Variants in GLIPR1L1 observed in about 807,000 individuals in gnomAD.
GLIPR1L1 encodes GLIPR1-like protein 1.
In GLIPR1L1, 26 loss-of-function variants were observed where a neutral mutation model predicts 29.9. The ratio of observed to expected loss-of-function variants is 0.87; its 90% CI spans 0.64 to 1.21. GLIPR1L1 has a LOEUF of 1.21. GLIPR1L1 is among the 50% of genes most tolerant of loss of function. The pLI, the probability that GLIPR1L1 is intolerant of heterozygous loss-of-function variation, is 0.00. For missense variants in GLIPR1L1, 305 were observed against 290.3 expected, an observed-to-expected ratio of 1.05 and a Z score of -0.37; for synonymous variants, 77 against 97.5, an observed-to-expected ratio of 0.79 and a Z score of 1.24.
intron 3 of GLIPR1L1, among the ~76,000 whole-genome samples, chr12:75,351,207 C>T (rs2042787294): frequency 6.6e-6 from 1 of 152,166 alleles, no homozygotes; most frequent in South Asian, 2.1e-4. Flanking sequence ...GAACCTATGA[C>T]TGATTGGGGT....
In GLIPR1L1 at chr12:75,347,715, G is replaced by A. The variant is rs146026558; in HGVS notation, c.514G>A (p.Gly172Arg). 44 of 1,582,618 alleles carry A rather than the reference G, an allele frequency of 2.8e-5. No homozygotes were observed. In the African/African-American group the frequency reaches 3.6e-4, roughly 13 times the overall value. The change falls in exon 3 of 6, where the codon GGA (glycine) becomes AGA (arginine). Residue 172 changes from glycine to arginine, a missense_variant. Gly to Arg is a moderately radical substitution (Grantham distance 125). Coordinates refer to ENST00000378695, the MANE Select transcript of GLIPR1L1 (RefSeq NM_001304964.2). ...AACTGCAATATTTGTATGCAACTACGGACCTGCGTGAGTTATTTTCTCTTA... is the reference window on the plus strand; with the variant it reads ...AACTGCAATATTTGTATGCAACTACAGACCTGCGTGAGTTATTTTCTCTTA... Reference protein sequence around the residue: ...ASTAIFVCNYGPAGNFANMPP... With the variant: ...ASTAIFVCNYRPAGNFANMPP...
chr12:75,348,431 C>T (rs1208659672), intron 3 of GLIPR1L1, among the ~76,000 whole-genome samples: 1 of 152,158 alleles, frequency 6.6e-6, no homozygotes, highest in African/African-American at 2.4e-5. Context: ...CATGACCTTT[C>T]ACTTGGAAGC....
At chr12:75,364,997 TTTTACCAGC>T (rs1306744031) in intron 4 of GLIPR1L1, 6 of 152,090 alleles carry the variant, frequency 3.9e-5, no homozygotes, top group African/African-American at 1.4e-4. Flanking sequence ...AAAGTCCCTG[TTTTACCAGC>T]TGTTTAGGCA....
intron 3 of GLIPR1L1, 66 bp downstream of exon 3, chr12:75,347,788 G>A: frequency 8.0e-6 from 8 of 1,006,112 alleles, no homozygotes; most frequent in Non-Finnish European, 1.2e-5. Context: ...CCAAATAAGA[G>A]GACCTTATAC....
chr12:75,348,431 C>G (rs1208659672), intron 3 of GLIPR1L1, among the ~76,000 whole-genome samples: 16 of 152,158 alleles, frequency 1.1e-4, no homozygotes, highest in Admixed American at 8.5e-4. Flanking sequence ...CATGACCTTT[C>G]ACTTGGAAGC....
intron 1 of GLIPR1L1, among the ~76,000 whole-genome samples, chr12:75,340,482 A>C (rs960477993): frequency 6.6e-6 from 1 of 151,970 alleles, no homozygotes; most frequent in African/African-American, 2.4e-5. Flanking sequence ...GAAGAAAAAC[A>C]GGAGAAAATC....
At chr12:75,347,833 C>A in intron 3 of GLIPR1L1, 111 bp downstream of exon 3, 1 of 510,748 alleles carries the variant, frequency 2.0e-6, no homozygotes, top group East Asian at 3.4e-5. Context: ...GTAATGACTC[C>A]CTCTACAATG....
chr12:75,348,860 G>A (rs900804928), intron 3 of GLIPR1L1, among the ~76,000 whole-genome samples: 5 of 152,176 alleles, frequency 3.3e-5, no homozygotes, highest in Non-Finnish European at 7.4e-5. Flanking sequence ...TACAACAAAG[G>A]GCCGTGATCT....
chr12:75,339,442 G>A (rs2041954858), intron 1 of GLIPR1L1, among the ~76,000 whole-genome samples: 2 of 151,910 alleles, frequency 1.3e-5, no homozygotes, highest in African/African-American at 4.8e-5. Context: ...ACTTTTTAAT[G>A]GGGTTGTTCT....
intron 2 of GLIPR1L1, 32 bp downstream of exon 2, chr12:75,343,970 TTATTTGTGCA>T (rs1161022879): frequency 2.6e-6 from 4 of 1,529,100 alleles, no homozygotes; most frequent in Non-Finnish European, 3.6e-6. Context: ...TGATTAGTTC[TTATTTGTGCA>T]TATTTTAATT....
Position 75,370,233 on chromosome 12 carries a change from C to T in GLIPR1L1, c.*57C>T. The stretch of plus-strand genomic sequence containing the variant: ...GTTAAAATAAAGGAATAGTTTATTG[C>T]TTAATATAACTTATCATCACTTTGC... On this transcript the variant is annotated 3_prime_UTR_variant, in exon 6 of 6. Coordinates refer to ENST00000378695, the MANE Select transcript of GLIPR1L1 (RefSeq NM_001304964.2). 1 of 848,944 alleles carries T rather than the reference C, an allele frequency of 1.2e-6. No homozygotes were observed. The highest frequency in any genetic ancestry group is 1.4e-5 in the South Asian group (1 of 69,508). 52.6% of individuals were successfully genotyped at this position (848,944 alleles called of 1,614,324 possible).
In GLIPR1L1 at chr12:75,351,055, C is replaced by T. The variant is rs142188717; in HGVS notation, c.521+3333C>T. ...ACACAAGAACTTCACAATGCAATCA[C>T]AAGTATCAATATCCAAACAGACCAA... On this transcript the variant is annotated intron_variant, in intron 3 of 5. Transcript: ENST00000378695. Among the ~76,000 whole-genome samples, 1,282 of 152,236 alleles carry T rather than the reference C, an allele frequency of 8.4e-3. 13 individuals are homozygous for T. Among genetic ancestry groups the T allele is most frequent in the African/African-American group, 0.029 (1,186 of 41,538 alleles).
chr12:75,350,333 G>T (rs1418580298), intron 3 of GLIPR1L1, among the ~76,000 whole-genome samples: 1 of 152,228 alleles, frequency 6.6e-6, no homozygotes, highest in Admixed American at 6.5e-5. Flanking sequence ...AGTCTGGGTA[G>T]TCTGGACAAG....
intron 3 of GLIPR1L1, among the ~76,000 whole-genome samples, chr12:75,354,165 AAG>A (rs869045841): frequency 2.9e-5 from 3 of 102,194 alleles, no homozygotes; most frequent in African/African-American, 1.1e-4. Flanking sequence ...AGAGAAAAAA[AAG>A]GGGGGGGGGT....
chr12:75,339,489 T>C lies in GLIPR1L1; in HGVS notation c.175-4204T>C, dbSNP rs146363133. Among the ~76,000 whole-genome samples, 428 of 152,306 alleles carry C rather than the reference T, an allele frequency of 2.8e-3. 2 individuals carry two copies. Among genetic ancestry groups the C allele is most frequent in the African/African-American group, 9.6e-3 (398 of 41,570 alleles). On this transcript the variant is annotated intron_variant, in intron 1 of 5. Coordinates refer to ENST00000378695, the MANE Select transcript of GLIPR1L1 (RefSeq NM_001304964.2). ...TAATCTCCTTATAGACTCTGGATAT[T>C]AGACCTTGGTCAGATGGATAGATTG... is the stretch of plus-strand genomic sequence containing the variant.
intron 4 of GLIPR1L1, among the ~76,000 whole-genome samples, chr12:75,367,288 A>G (rs1012221495): frequency 9.2e-5 from 14 of 151,524 alleles, no homozygotes; most frequent in Admixed American, 8.5e-4. Flanking sequence ...AAAAAAAAAA[A>G]AAGAACTTTT....
At chr12:75,346,778 T>C (rs777197835) in intron 2 of GLIPR1L1, among the ~76,000 whole-genome samples, 9 of 152,178 alleles carry the variant, frequency 5.9e-5, no homozygotes, top group South Asian at 2.1e-4. Context: ...TAGAAAACAA[T>C]TGATACATCA....
rs971053536 is a variant in GLIPR1L1 at position 75,343,819 on chromosome 12, T to C, written c.301T>C (p.Trp101Arg). Residue 101 changes from tryptophan to arginine, a missense_variant, in exon 2 of 6, where the codon TGG (tryptophan) becomes CGG (arginine). Physicochemically the swap from Trp to Arg is moderately radical, Grantham distance 101. Transcript: ENST00000378695. ...AAFEYVGENIWLGGIKSFTPR... is the reference protein window; with the variant it reads ...AAFEYVGENIRLGGIKSFTPR... The stretch of plus-strand genomic sequence containing the variant: ...TTTTGAATATGTTGGAGAAAATATC[T>C]GGTTAGGTGGAATAAAGTCATTCAC... 1 of 1,613,486 alleles carries C rather than the reference T, an allele frequency of 6.2e-7. No homozygotes were observed. The highest frequency in any genetic ancestry group is 8.5e-7 in the Non-Finnish European group (1 of 1,179,554).
Position 75,346,395 on chromosome 12 carries a change from C to CT in GLIPR1L1, c.421-1214dup, listed in dbSNP as rs963733264. 3.8e-3 allele frequency among the ~76,000 whole-genome samples: 552 copies of CT among 145,904 alleles called. 3 individuals are homozygous for CT. The highest frequency in any genetic ancestry group is 0.03 in the South Asian group (138 of 4,622). ...CACAAAGATGGCTGAAAGCAAAACT[C>CT]TTTTTTTTTTTTTGAGACGGAGTCT... On this transcript the variant is annotated intron_variant, in intron 2 of 5. Transcript: ENST00000378695.
Sources: gnomAD v4.1 joint callset for allele counts (sites outside exome capture counted in the v4.1 genomes callset) on GRCh38, gnomAD v4.1.1 for gene constraint, MANE v1.5 for transcripts, NCBI Gene and HGNC (gene_info 2026-07-23, HGNC 2026-07-21) for gene names.